ASTN2: variants seen among roughly 807,000 people sequenced by gnomAD.
ASTN2 encodes the protein astrotactin 2.
Under a neutral mutation model 139.8 loss-of-function variants are expected in ASTN2, and 54 were observed. The observed-to-expected ratio is 0.39, with a 90% CI of 0.31 to 0.48. The LOEUF is 0.48. ASTN2 is among the 20% of genes least tolerant of loss of function. ASTN2 has a pLI of 0.95. For synonymous variants in ASTN2, 756 were observed against 719.5 expected (o/e 1.05, Z -0.81); for missense variants, 1,565 against 1,725.1 (o/e 0.91, Z 1.64).
chr9:116,602,519 A>G (rs534964834), intron 19 of ASTN2, among the ~76,000 whole-genome samples: 10 of 152,332 alleles, frequency 6.6e-5, no homozygotes, highest in Admixed American at 1.3e-4. Flanking sequence ...CTCCTATATT[A>G]TATCAGGAGG....
At chr9:116,948,208 T>C (rs368456588) in intron 10 of ASTN2, among the ~76,000 whole-genome samples, 1 of 152,216 alleles carries the variant, frequency 6.6e-6, no homozygotes, top group African/African-American at 2.4e-5. Flanking sequence ...GTAAAGTAAC[T>C]CTTTATTCCT....
At chr9:117,291,585 C>T in intron 1 of ASTN2, 72 bp from the exon 2 acceptor site, 1 of 1,432,644 alleles carries the variant, frequency 7.0e-7, no homozygotes, top group Non-Finnish European at 9.4e-7. Context: ...GAAAAGAGCC[C>T]ACATAATCAG....
chr9:117,039,720 A>G, intron 6 of ASTN2, 99 bp downstream of exon 6: 1 of 1,306,992 alleles, frequency 7.7e-7, no homozygotes, highest in Non-Finnish European at 1.0e-6. Flanking sequence ...AATATATGTA[A>G]TAGTAATTCT....
At chr9:116,990,555 G>A (rs1035711298) in intron 7 of ASTN2, among the ~76,000 whole-genome samples, 11 of 152,090 alleles carry the variant, frequency 7.2e-5, no homozygotes, top group African/African-American at 2.7e-4. Flanking sequence ...ACGTGCATAA[G>A]CCACCACACC....
At chr9:117,299,635 G>T (rs1344371422) in intron 1 of ASTN2, among the ~76,000 whole-genome samples, 1 of 152,162 alleles carries the variant, frequency 6.6e-6, no homozygotes, top group Non-Finnish European at 1.5e-5. Context: ...GAGGCTGGGG[G>T]TTACCAACTC....
intron 17 of ASTN2, among the ~76,000 whole-genome samples, chr9:116,647,982 ACAC>A (rs1857688996): frequency 6.7e-6 from 1 of 148,808 alleles, no homozygotes; most frequent in Non-Finnish European, 1.5e-5. Context: ...GTGCACCACC[ACAC>A]CAGGCCAATT....
At chr9:116,451,771 C>A (rs1480198625) in intron 20 of ASTN2, among the ~76,000 whole-genome samples, 1 of 151,932 alleles carries the variant, frequency 6.6e-6, no homozygotes, top group Non-Finnish European at 1.5e-5. Flanking sequence ...CCTCTCCATT[C>A]TGAAAGCCTT....
At chr9:116,998,529 T>C (rs1374929745) in intron 7 of ASTN2, among the ~76,000 whole-genome samples, 1 of 138,638 alleles carries the variant, frequency 7.2e-6, no homozygotes, top group African/African-American at 2.9e-5. Flanking sequence ...CTTGACACTT[T>C]AGCAGCTGAA....
intron 3 of ASTN2, among the ~76,000 whole-genome samples, chr9:117,155,463 A>G (rs1830412700): frequency 1.3e-5 from 2 of 151,938 alleles, no homozygotes; most frequent in South Asian, 2.1e-4. Flanking sequence ...AATGTGCACA[A>G]TGAGGTAGAG....
In ASTN2 at chr9:117,202,853, G is replaced by A. The variant is rs189955132; in HGVS notation, c.1015+11505C>T. The stretch of plus-strand genomic sequence containing the variant: ...GTGGAGCATCTTAATCATGTTCTCC[G>A]TATTTCCTGAATTTGCATGCTAGCA... On this transcript the variant is annotated intron_variant, in intron 3 of 22. Coordinates refer to ENST00000313400, the MANE Select transcript of ASTN2 (RefSeq NM_001365068.1). 1.4e-3 allele frequency among the ~76,000 whole-genome samples: 218 copies of A among 152,112 alleles called. 2 individuals carry two copies. The Middle Eastern group carries it at 0.034, about 24-fold the overall frequency.
intron 11 of ASTN2, among the ~76,000 whole-genome samples, chr9:116,838,116 G>GTT (rs370249958): frequency 1.9e-4 from 24 of 126,508 alleles, no homozygotes; most frequent in African/African-American, 3.4e-4. Context: ...TTTTTGTTTT[G>GTT]TTTTGTTTTT....
At chr9:117,012,242 C>G (rs944237112) in intron 6 of ASTN2, among the ~76,000 whole-genome samples, 1 of 152,178 alleles carries the variant, frequency 6.6e-6, no homozygotes, top group African/African-American at 2.4e-5. Flanking sequence ...ACTAGCCCTT[C>G]AGAACCTCCC....
At chr9:116,733,117 A>G (rs1828832577) in intron 14 of ASTN2, among the ~76,000 whole-genome samples, 1 of 152,224 alleles carries the variant, frequency 6.6e-6, no homozygotes, top group Non-Finnish European at 1.5e-5. Context: ...ACTCATTCAC[A>G]GAGGCAAAAC....
At chr9:116,542,189 G>A (rs1434693384) in intron 19 of ASTN2, among the ~76,000 whole-genome samples, 1 of 152,102 alleles carries the variant, frequency 6.6e-6, no homozygotes, top group African/African-American at 2.4e-5. Context: ...ACCCTTACAT[G>A]TAAATCTTTT....
intron 2 of ASTN2, among the ~76,000 whole-genome samples, chr9:117,248,793 G>T (rs1289557517): frequency 6.6e-6 from 1 of 152,196 alleles, no homozygotes; most frequent in Non-Finnish European, 1.5e-5. Flanking sequence ...TGTAGGAGAT[G>T]GTGCCAATCA....
chr9:117,134,295 TACACACACACAC>T (rs3041140), intron 4 of ASTN2, among the ~76,000 whole-genome samples: 53 of 75,812 alleles, frequency 7.0e-4, no homozygotes, highest in Middle Eastern at 8.9e-3. Context: ...TATATATATA[TACACACACACAC>T]ACACACACAC....
chr9:116,618,005 C>A (rs1160587086), intron 19 of ASTN2, among the ~76,000 whole-genome samples: 1 of 152,122 alleles, frequency 6.6e-6, no homozygotes, highest in Non-Finnish European at 1.5e-5. Context: ...ACAGATCAAG[C>A]CCTTCAAGCA....
intron 4 of ASTN2, among the ~76,000 whole-genome samples, chr9:117,102,406 A>C (rs1054514244): frequency 2.6e-4 from 39 of 152,180 alleles, no homozygotes; most frequent in African/African-American, 8.9e-4. Context: ...GGTAACAGTT[A>C]ATAACTATTG....
intron 7 of ASTN2, among the ~76,000 whole-genome samples, chr9:117,006,488 G>T (rs1331257677): frequency 6.6e-6 from 1 of 152,086 alleles, no homozygotes; most frequent in Non-Finnish European, 1.5e-5. Flanking sequence ...TCCAGAATCT[G>T]ATCACTGTTC....
Sources: allele counts gnomAD v4.1 joint callset (sites outside exome capture counted in the v4.1 genomes callset), GRCh38; gene constraint gnomAD v4.1.1; transcripts MANE v1.5; gene names NCBI Gene and HGNC (gene_info 2026-07-23, HGNC 2026-07-21).